The following GALNT13 variants were observed in gnomAD, a reference collection of about 807,000 sequenced individuals.
GALNT13 encodes the protein polypeptide N-acetylgalactosaminyltransferase 13.
In GALNT13, 28 loss-of-function variants were observed where a neutral mutation model predicts 64.2. The observed-to-expected ratio is 0.44, with a 90% CI of 0.32 to 0.60. The LOEUF (loss-of-function observed/expected upper bound fraction) is 0.60, where lower values mean the gene tolerates loss of function less well. Among genes scored for constraint, GALNT13 ranks in the 20% least tolerant of loss-of-function variants. The pLI is 0.05. For missense variants in GALNT13, 577 were observed against 669.8 expected (o/e 0.86, Z 1.53); for synonymous variants, 214 against 224.6 (o/e 0.95, Z 0.42).
At chr2:153,483,173 C>CA in the GALNT13 span, among the ~76,000 whole-genome samples, 13 of 152,090 alleles carry the variant, frequency 8.5e-5, no homozygotes, top group East Asian at 2.5e-3. Flanking sequence ...GGTGGTTCCT[C>CA]AAAAAATTAA....
At chr2:153,678,156 A>AATATATAT in the GALNT13 span, among the ~76,000 whole-genome samples, 3,826 of 145,568 alleles carry the variant, frequency 0.026, 122 homozygotes, top group Admixed American at 0.11. Context: ...CCGACAAATG[A>AATATATAT]ATATATATAT....
intron 3 of GALNT13, among the ~76,000 whole-genome samples, chr2:154,110,286 T>G (rs1279026888): frequency 4.7e-3 from 6 of 1,282 alleles, no homozygotes; most frequent in Non-Finnish European, 8.2e-3. Flanking sequence ...AGGATATATA[T>G]ATATATATAT....
chr2:153,509,780 C>G, the GALNT13 span, among the ~76,000 whole-genome samples: 1 of 152,166 alleles, frequency 6.6e-6, no homozygotes, highest in African/African-American at 2.4e-5. Flanking sequence ...CTAAGGGACT[C>G]AGACCTGACT....
At chr2:153,070,698 G>A in the GALNT13 span, among the ~76,000 whole-genome samples, 1 of 152,140 alleles carries the variant, frequency 6.6e-6, no homozygotes, top group Non-Finnish European at 1.5e-5. Context: ...TACATATGGA[G>A]ACACCGGAAG....
At chr2:153,413,434 C>T in the GALNT13 span, among the ~76,000 whole-genome samples, 3 of 152,144 alleles carry the variant, frequency 2.0e-5, no homozygotes, top group African/African-American at 4.8e-5. Flanking sequence ...TACAACTCTC[C>T]ACCATGGAGA....
At chr2:153,713,651 T>A in the GALNT13 span, among the ~76,000 whole-genome samples, 1 of 152,168 alleles carries the variant, frequency 6.6e-6, no homozygotes. Flanking sequence ...CCCAGCTAAC[T>A]TTTTTTATTT....
chr2:154,122,361 C>G (rs1210914918), intron 3 of GALNT13, among the ~76,000 whole-genome samples: 1 of 151,772 alleles, frequency 6.6e-6, no homozygotes, highest in Non-Finnish European at 1.5e-5. Flanking sequence ...CTGTGTCTAT[C>G]TTCATAAGAG....
chr2:153,867,977 T>C (rs1366239277), upstream of GALNT13, among the ~76,000 whole-genome samples: 1 of 152,170 alleles, frequency 6.6e-6, no homozygotes, highest in Non-Finnish European at 1.5e-5. Flanking sequence ...GGCCATGGAC[T>C]GCCATAGGTC....
chr2:153,436,215 C>T, the GALNT13 span, among the ~76,000 whole-genome samples: 414 of 152,300 alleles, frequency 2.7e-3, 19 homozygotes, highest in East Asian at 0.073. Context: ...TGATGTGCTG[C>T]TGGATTCGTT....
At chr2:153,432,416 T>C in the GALNT13 span, among the ~76,000 whole-genome samples, 4 of 152,192 alleles carry the variant, frequency 2.6e-5, no homozygotes, top group Non-Finnish European at 1.5e-5. Flanking sequence ...TAATTAACTT[T>C]CGAGCTGCAC....
intron 11 of GALNT13, among the ~76,000 whole-genome samples, chr2:154,434,513 C>T (rs548950947): frequency 6.6e-6 from 1 of 152,108 alleles, no homozygotes; most frequent in Admixed American, 6.5e-5. Context: ...TGCGCCTGGG[C>T]CTCCCAAACT....
At chr2:153,209,453 A>C in the GALNT13 span, among the ~76,000 whole-genome samples, 1 of 152,200 alleles carries the variant, frequency 6.6e-6, no homozygotes, top group Non-Finnish European at 1.5e-5. Context: ...AATTATGCCA[A>C]TACCTTGGTG....
chr2:153,839,452 G>A, the GALNT13 span, among the ~76,000 whole-genome samples: 1 of 151,580 alleles, frequency 6.6e-6, no homozygotes, highest in African/African-American at 2.4e-5. Flanking sequence ...AATCCACTGA[G>A]GGTTTTTAAT....
At chr2:153,829,822 T>G in the GALNT13 span, among the ~76,000 whole-genome samples, 7 of 152,320 alleles carry the variant, frequency 4.6e-5, no homozygotes, top group East Asian at 1.4e-3. Flanking sequence ...CATGTTGAAT[T>G]GAACAGAACT....
chr2:153,235,745 C>T, the GALNT13 span, among the ~76,000 whole-genome samples: 3 of 152,118 alleles, frequency 2.0e-5, no homozygotes, highest in African/African-American at 7.2e-5. Context: ...TTCTCTTCAT[C>T]TGTTTAACAA....
At chr2:153,200,741 A>G in the GALNT13 span, among the ~76,000 whole-genome samples, 1 of 152,222 alleles carries the variant, frequency 6.6e-6, no homozygotes, top group Non-Finnish European at 1.5e-5. Flanking sequence ...TTAAATCTCC[A>G]TGAGAATGTT....
intron 3 of GALNT13, among the ~76,000 whole-genome samples, chr2:154,112,062 A>G (rs1033429092): frequency 2.0e-5 from 3 of 152,214 alleles, no homozygotes; most frequent in African/African-American, 7.2e-5. Context: ...CCATATCTGG[A>G]GTAAGCATCT....
the GALNT13 span, among the ~76,000 whole-genome samples, chr2:153,533,723 CTTTTTTTTTT>C: frequency 0.012 from 568 of 48,764 alleles, 23 homozygotes; most frequent in African/African-American, 0.042. Flanking sequence ...TGAGGTTTTT[CTTTTTTTTTT>C]TTTTTTTTTT....
intron 4 of GALNT13, among the ~76,000 whole-genome samples, chr2:154,145,070 C>CTCTCTCTCTCTCTA (rs1197890145): frequency 2.2e-4 from 30 of 136,228 alleles, no homozygotes; most frequent in African/African-American, 3.3e-4. Context: ...CTCTCTCTCT[C>CTCTCTCTCTCTCTA]TCTATCTATC....
Sources: gnomAD v4.1 joint callset for allele counts (sites outside exome capture counted in the v4.1 genomes callset) on GRCh38, gnomAD v4.1.1 for gene constraint, MANE v1.5 for transcripts, NCBI Gene and HGNC (gene_info 2026-07-23, HGNC 2026-07-21) for gene names.